ARAP2: variants seen among roughly 807,000 people sequenced by gnomAD.
ARAP2 encodes arf-GAP with Rho-GAP domain, ANK repeat and PH domain-containing protein 2.
Under a neutral mutation model 194.5 loss-of-function variants are expected in ARAP2, and 148 were observed. That is an observed-to-expected ratio of 0.76 (90% CI 0.67 to 0.87). The LOEUF (loss-of-function observed/expected upper bound fraction) is 0.87. Among genes scored for constraint, ARAP2 ranks in the 40% least tolerant of loss-of-function variants. ARAP2 has a pLI of 0.00. For synonymous variants in ARAP2, 695 were observed against 683.5 expected, an observed-to-expected ratio of 1.02 and a Z score of -0.26; for missense variants, 2,128 against 1,989.7, an observed-to-expected ratio of 1.07 and a Z score of -1.32.
At chr4:36,170,119 C>G (rs1736260863) in intron 9 of ARAP2, among the ~76,000 whole-genome samples, 1 of 152,198 alleles carries the variant, frequency 6.6e-6, no homozygotes, top group Non-Finnish European at 1.5e-5. Flanking sequence ...CCCAGAGACT[C>G]TGATTCCATG....
chr4:36,223,962 T>C (rs992452766), intron 2 of ARAP2, among the ~76,000 whole-genome samples: 5 of 152,076 alleles, frequency 3.3e-5, no homozygotes, highest in Non-Finnish European at 7.4e-5. Context: ...AGAATTAAAA[T>C]GGTTTGTTTA....
intron 8 of ARAP2, among the ~76,000 whole-genome samples, chr4:36,179,328 GA>G (rs1379310484): frequency 6.6e-6 from 1 of 152,100 alleles, no homozygotes; most frequent in East Asian, 1.9e-4. Flanking sequence ...GTGTTGATAA[GA>G]AAAACAAATT....
chr4:36,096,825 G>T (rs1447208011), intron 27 of ARAP2, among the ~76,000 whole-genome samples: 2 of 152,108 alleles, frequency 1.3e-5, no homozygotes, highest in African/African-American at 4.8e-5. Context: ...AAGAAGTAGA[G>T]TAAGCAATTT....
chr4:36,124,929 C>T lies in ARAP2; in HGVS notation c.3679G>A (p.Ala1227Thr). ...DDKERIKKYG[A>T]FIRSLPGVNR... ...ACCCCTGGAAGAGAACGTATAAATG[C>T]TCCATATTTTTTAATTCTTTCCTTG... The change falls in exon 22 of 33, where the codon GCA (alanine) becomes ACA (threonine). Residue 1227 changes from alanine to threonine, a missense_variant. Transcript: ENST00000303965. 2 of 1,610,560 alleles carry T rather than the reference C, an allele frequency of 1.2e-6. No homozygotes were observed. The highest frequency in any genetic ancestry group is 1.7e-6 in the Non-Finnish European group (2 of 1,177,904).
intron 2 of ARAP2, among the ~76,000 whole-genome samples, chr4:36,219,149 T>A (rs1748627430): frequency 6.6e-6 from 1 of 152,192 alleles, no homozygotes; most frequent in Non-Finnish European, 1.5e-5. Context: ...AACTACTTTA[T>A]AAGAACCATT....
chr4:36,071,063 GCAT>G (rs1726748531), intron 32 of ARAP2, among the ~76,000 whole-genome samples: 1 of 152,028 alleles, frequency 6.6e-6, no homozygotes, highest in Non-Finnish European at 1.5e-5. Context: ...CTGCTTCACT[GCAT>G]CATCATTCTT....
At chr4:36,115,279 A>C (rs1401090874) in intron 25 of ARAP2, among the ~76,000 whole-genome samples, 2 of 152,026 alleles carry the variant, frequency 1.3e-5, no homozygotes, top group African/African-American at 2.4e-5. Context: ...TCTATTTAGA[A>C]AAGCCCAAAG....
chr4:36,128,313 A>C (rs764442732), intron 21 of ARAP2, among the ~76,000 whole-genome samples: 1 of 152,000 alleles, frequency 6.6e-6, no homozygotes, highest in Non-Finnish European at 1.5e-5. Flanking sequence ...GATTTAGTGA[A>C]TATTTTGAAT....
chr4:36,206,083 C>T (rs1745477131), intron 6 of ARAP2, among the ~76,000 whole-genome samples: 1 of 152,194 alleles, frequency 6.6e-6, no homozygotes, highest in African/African-American at 2.4e-5. Context: ...ACCGCAGCCC[C>T]AAGAAAGCAT....
At chr4:36,157,266 C>T (rs990597205) in intron 15 of ARAP2, 2 of 152,136 alleles carry the variant, frequency 1.3e-5, no homozygotes, top group African/African-American at 4.8e-5. Flanking sequence ...TATGAAAGTA[C>T]CGTAATTATT....
intron 6 of ARAP2, chr4:36,209,340 T>G (rs775941209): frequency 4.5e-6 from 2 of 449,220 alleles, no homozygotes; most frequent in Admixed American, 2.5e-5. Context: ...GTCATCATAA[T>G]GTAACCAGAA....
rs1725825613 is a variant in ARAP2 at position 36,067,763 on chromosome 4, G to A, written c.*144C>T. The A allele has an allele frequency of 2.5e-6, 2 of 813,278 alleles. No individual in the cohort carries two copies. Among genetic ancestry groups the A allele is most frequent in the East Asian group, 5.5e-5 (2 of 36,314 alleles). 50.4% of individuals were successfully genotyped at this position (813,278 alleles called of 1,614,324 possible). On this transcript the variant is annotated 3_prime_UTR_variant, in exon 33 of 33. Coordinates refer to ENST00000303965, the MANE Select transcript of ARAP2 (RefSeq NM_015230.4). ...GTCACATATATACATATTTTTAAAT[G>A]CTCCTTAAATGCCTAAGCATAGACA...
intron 8 of ARAP2, among the ~76,000 whole-genome samples, chr4:36,014,333 AG>A (rs1715337984): frequency 1.6e-5 from 1 of 62,022 alleles, no homozygotes; most frequent in Non-Finnish European, 3.8e-5. Context: ...AGAGAAAGAA[AG>A]AAAGAAAGAA....
At chr4:36,068,576 CT>C (rs1276471871) in intron 32 of ARAP2, among the ~76,000 whole-genome samples, 1 of 152,166 alleles carries the variant, frequency 6.6e-6, no homozygotes, top group African/African-American at 2.4e-5. Context: ...GAATTTCGAT[CT>C]TTTCCCCGGT....
chr4:36,150,810 A>G, intron 16 of ARAP2, 90 bp downstream of exon 16: 3 of 1,404,742 alleles, frequency 2.1e-6, no homozygotes, highest in Non-Finnish European at 2.9e-6. Flanking sequence ...AGAAGCAACT[A>G]AAGAACTAAA....
intron 1 of ARAP2, among the ~76,000 whole-genome samples, chr4:36,234,801 T>C (rs1752151263): frequency 6.6e-6 from 1 of 152,194 alleles, no homozygotes; most frequent in Admixed American, 6.5e-5. Flanking sequence ...TATTTTATTA[T>C]AATAAACTCT....
rs535883027 is a variant in ARAP2 at position 36,170,480 on chromosome 4, G to A, written c.1858-3433C>T. ...TGCTTCTGTAGAATGCATGCAATCAGAACATACAAAAACCAAAAACCATTT... is the reference window on the plus strand; with the variant it reads ...TGCTTCTGTAGAATGCATGCAATCAAAACATACAAAAACCAAAAACCATTT... On this transcript the variant is annotated intron_variant, in intron 9 of 32. Transcript: ENST00000303965. 4.7e-4 allele frequency among the ~76,000 whole-genome samples: 72 copies of A among 152,244 alleles called. 1 individual carries two copies. The highest frequency in any genetic ancestry group is 8.5e-4 in the Admixed American group (13 of 15,304).
intron 1 of ARAP2, among the ~76,000 whole-genome samples, chr4:36,239,294 C>T (rs980011244): frequency 1.2e-4 from 18 of 151,324 alleles, no homozygotes; most frequent in Admixed American, 8.5e-4. Context: ...AGTATTAACA[C>T]AAAAAAGATA....
chr4:36,043,613 G>A lies in ARAP2; in HGVS notation n.607+2366C>T, dbSNP rs185402637. Reference sequence around the variant, plus strand: ...TGTCTAAAGCTGGGTACAATGACACGTGTCTGTTGCCTCCGCTATATAATT... The same window carrying A: ...TGTCTAAAGCTGGGTACAATGACACATGTCTGTTGCCTCCGCTATATAATT... On this transcript the variant is annotated intron_variant and non_coding_transcript_variant, in intron 5 of 12. Transcript: ENST00000503225. Among the ~76,000 whole-genome samples, 9 of 151,952 alleles carry A rather than the reference G, an allele frequency of 5.9e-5. No individual in the cohort carries two copies. In the East Asian group the frequency reaches 1.5e-3, roughly 26 times the overall value.
Sources: gnomAD v4.1 joint callset for allele counts (sites outside exome capture counted in the v4.1 genomes callset) on GRCh38, gnomAD v4.1.1 for gene constraint, MANE v1.5 for transcripts, NCBI Gene and HGNC (gene_info 2026-07-23, HGNC 2026-07-21) for gene names.